USP54: variants seen among roughly 807,000 people sequenced by gnomAD.
USP54 encodes ubiquitin specific peptidase 54.
A neutral mutation model predicts 170.5 loss-of-function variants in USP54; 87 were observed. The observed-to-expected ratio is 0.51, with a 90% CI of 0.43 to 0.61. The LOEUF is 0.61. Ranked by LOEUF, USP54 falls within the 20% of genes least tolerant of loss-of-function variation. The pLI, the probability that USP54 is intolerant of heterozygous loss-of-function variation, is 0.00. For synonymous variants in USP54, 655 were observed against 742.8 expected (o/e 0.88, Z 1.92); for missense variants, 1,786 against 2,047.8 (o/e 0.87, Z 2.47).
At chr10:73,622,813 C>T (rs1383873433) in intron 1 of USP54, among the ~76,000 whole-genome samples, 1 of 151,914 alleles carries the variant, frequency 6.6e-6, no homozygotes, top group Non-Finnish European at 1.5e-5. Context: ...ATTAGCCAAG[C>T]ACCTGTAGTC....
intron 20 of USP54, among the ~76,000 whole-genome samples, chr10:73,507,669 C>CCA (rs1253631494): frequency 8.9e-5 from 2 of 22,470 alleles, no homozygotes; most frequent in African/African-American, 3.5e-4. Context: ...GACTCCGTCG[C>CCA]AAAAAAAAAA....
At chr10:73,623,266 G>A (rs1564973785) in intron 1 of USP54, among the ~76,000 whole-genome samples, 3 of 151,892 alleles carry the variant, frequency 2.0e-5, no homozygotes, top group Non-Finnish European at 4.4e-5. Flanking sequence ...TGCACCTGTG[G>A]TCCTATCTAC....
At chr10:73,585,417 G>A (rs2077362193) in intron 1 of USP54, among the ~76,000 whole-genome samples, 1 of 152,156 alleles carries the variant, frequency 6.6e-6, no homozygotes, top group Non-Finnish European at 1.5e-5. Context: ...AAGGCCTCAG[G>A]GAGCTTACGA....
intron 10 of USP54, among the ~76,000 whole-genome samples, chr10:73,538,763 T>G (rs2065867855): frequency 6.6e-6 from 1 of 152,106 alleles, no homozygotes. Context: ...AGTGAGCCAT[T>G]ATCACGCCCC....
At chr10:73,607,738 C>T (rs938051200) in intron 1 of USP54, among the ~76,000 whole-genome samples, 6 of 149,698 alleles carry the variant, frequency 4.0e-5, no homozygotes, top group Admixed American at 2.0e-4. Context: ...GGCTGAGACA[C>T]GAGAATTGCT....
chr10:73,622,816 C>T (rs1158801951), intron 1 of USP54, among the ~76,000 whole-genome samples: 1 of 151,966 alleles, frequency 6.6e-6, no homozygotes, highest in Admixed American at 6.6e-5. Context: ...AGCCAAGCAC[C>T]TGTAGTCCCA....
chr10:73,515,468 TGTGCACTTCAG>T (rs1448652015), intron 20 of USP54, among the ~76,000 whole-genome samples: 3 of 152,212 alleles, frequency 2.0e-5, no homozygotes, highest in African/African-American at 7.2e-5. Context: ...CTGACTATGA[TGTGCACTTCAG>T]GTGCAGGCTC....
intron 1 of USP54, among the ~76,000 whole-genome samples, chr10:73,620,438 T>C (rs2132354783): frequency 6.7e-6 from 1 of 150,076 alleles, no homozygotes; most frequent in East Asian, 1.9e-4. Flanking sequence ...TTATCAATAC[T>C]TCATTAATGG....
chr10:73,613,557 G>A lies in USP54; in HGVS notation c.-18+12010C>T, dbSNP rs2080342281. Among the ~76,000 whole-genome samples, 3 of 152,082 alleles carry A rather than the reference G, an allele frequency of 2.0e-5. No individual in the cohort carries two copies. In the South Asian group the frequency reaches 6.2e-4, roughly 32 times the overall value. On this transcript the variant is annotated intron_variant, in intron 1 of 22. Coordinates refer to the USP54 transcript ENST00000339859. ...ATTGCATATGCCAAAACAGAGATAG[G>A]CAAAGACGTGAACAGTTAGAAATAT...
Position 73,514,810 on chromosome 10 carries a change from C to CG in USP54, c.4051+1564dup, listed in dbSNP as rs112066983. On this transcript the variant is annotated intron_variant, in intron 20 of 23. Coordinates refer to ENST00000687698, the MANE Select transcript of USP54 (RefSeq NM_001391956.1). Reference sequence around the variant, plus strand: ...ATCCCAGCACTTTGGGAGGCTGAGGCGGGGGGATCACCTGAGGTCAGGAGT... The same window carrying CG: ...ATCCCAGCACTTTGGGAGGCTGAGGCGGGGGGGATCACCTGAGGTCAGGAGT... 6.5e-3 allele frequency among the ~76,000 whole-genome samples: 986 copies of CG among 152,026 alleles called. 15 individuals carry two copies. Among genetic ancestry groups the CG allele is most frequent in the African/African-American group, 0.023 (936 of 41,466 alleles).
Position 73,541,461 on chromosome 10 carries a change from T to C in USP54, c.739A>G (p.Thr247Ala). Residue 247 changes from threonine to alanine, a missense_variant, in exon 9 of 24, where the codon ACG becomes GCG. Thr to Ala is a moderately conservative substitution (Grantham distance 58). This residue lies in a region of USP54 where 361 missense variants were observed against 455.0 expected (regional missense o/e 0.79). Transcript: ENST00000687698. ...RVLMNAPQII[T>A]IGLVWDSDHS... The stretch of plus-strand genomic sequence containing the variant: ...TCTGAGTCCCATACCAGCCCAATCG[T>C]GATAATCTGTGGAGCATTCATCAAC... 1 of 1,614,200 alleles carries C rather than the reference T, an allele frequency of 6.2e-7. No individual in the cohort carries two copies. The highest frequency in any genetic ancestry group is 8.5e-7 in the Non-Finnish European group (1 of 1,180,036).
intron 20 of USP54, chr10:73,507,172 A>C (rs936415366): frequency 2.6e-5 from 4 of 151,836 alleles, no homozygotes; most frequent in Admixed American, 2.0e-4. Flanking sequence ...TCTACATAGG[A>C]TTGTATAAAC....
rs2060218638 is a variant in USP54, at chr10:73,511,566, ACG to A, written c.4051+4807_4051+4808del. 7.3e-5 allele frequency among the ~76,000 whole-genome samples: 11 copies of A among 151,418 alleles called. No homozygotes were observed. In the South Asian group the frequency reaches 2.3e-3, roughly 32 times the overall value. ...TCCCAGCTACTTGGGAGGCTGAAGCACGAGAATCGCTTGAACCTGGGAGACGG... is the reference window on the plus strand; with the variant it reads ...TCCCAGCTACTTGGGAGGCTGAAGCAAGAATCGCTTGAACCTGGGAGACGG... On this transcript the variant is annotated intron_variant, in intron 20 of 23. Coordinates refer to ENST00000687698, the MANE Select transcript of USP54 (RefSeq NM_001391956.1).
intron 4 of USP54, among the ~76,000 whole-genome samples, chr10:73,555,362 CT>C (rs2070705364): frequency 1.3e-5 from 2 of 152,284 alleles, no homozygotes; most frequent in South Asian, 4.1e-4. Context: ...CACCTCATAA[CT>C]TTAAGACTTT....
chr10:73,498,556 G>GTACTGTAA lies in USP54; in HGVS notation c.*72_*73insTTACAGTA. ...CCCAAAGTGCTGGGATTACAGGTGT[G>GTACTGTAA]AGCCACCGCGCCCGGCCCACAGTAC... is the stretch of plus-strand genomic sequence containing the variant. On this transcript the variant is annotated 3_prime_UTR_variant, in exon 24 of 24. Coordinates refer to ENST00000687698, the MANE Select transcript of USP54 (RefSeq NM_001391956.1). The GTACTGTAA allele has an allele frequency of 6.9e-7, 1 of 1,450,224 alleles. No homozygotes were observed. Among genetic ancestry groups the GTACTGTAA allele is most frequent in the Non-Finnish European group, 9.2e-7 (1 of 1,087,070 alleles). The allele number at this position is 1,450,224 out of a possible 1,614,324, so 89.8% of individuals were successfully genotyped here.
intron 21 of USP54, 43 bp downstream of exon 21, chr10:73,505,265 C>T (rs781524280): frequency 1.9e-6 from 3 of 1,572,250 alleles, no homozygotes; most frequent in African/African-American, 1.4e-5. Context: ...CCTTCCCCAA[C>T]ACACCACCCC....
rs776941844 is a variant in USP54, at chr10:73,497,911, T to A, written c.*718A>T. On this transcript the variant is annotated 3_prime_UTR_variant, in exon 24 of 24. Transcript: ENST00000687698. ...GGGTCAGGTAATAGGGATAGGTGGATAAAACAAAGAGTAGAAGTTGGGAGT... is the reference window on the plus strand; with the variant it reads ...GGGTCAGGTAATAGGGATAGGTGGAAAAAACAAAGAGTAGAAGTTGGGAGT... 2.0e-5 allele frequency: 3 copies of A among 152,154 alleles called. No individual in the cohort carries two copies. The highest frequency in any genetic ancestry group is 2.0e-4 in the Admixed American group (3 of 15,272). 9.4% of individuals were successfully genotyped at this position (152,154 alleles called of 1,614,324 possible).
chr10:73,613,132 CT>C lies in USP54; in HGVS notation c.-18+12434del, dbSNP rs967595386. On this transcript the variant is annotated intron_variant, in intron 1 of 22. Coordinates refer to the USP54 transcript ENST00000339859. ...TGACCGTGCTACTGCATTCCAGCCTCTTTTTTTTTTTTTTTTTTTGGAGATG... is the reference window on the plus strand; with the variant it reads ...TGACCGTGCTACTGCATTCCAGCCTCTTTTTTTTTTTTTTTTTTGGAGATG... 6.1e-4 allele frequency among the ~76,000 whole-genome samples: 78 copies of C among 127,408 alleles called. 1 individual carries two copies. The highest frequency in any genetic ancestry group is 1.5e-3 in the South Asian group (6 of 3,992). The allele number at this position is 127,408 out of a possible 152,430, so 83.6% of individuals were successfully genotyped here.
intron 21 of USP54, 128 bp downstream of exon 21, chr10:73,505,179 AC>A: frequency 1.6e-6 from 2 of 1,228,956 alleles, no homozygotes; most frequent in South Asian, 2.9e-5. Context: ...CCAATCATAG[AC>A]CTTATTTTCT....
Sources: gnomAD v4.1 joint callset for allele counts (sites outside exome capture counted in the v4.1 genomes callset) on GRCh38, gnomAD v4.1.1 for gene constraint, gnomAD v4.1.1 regional missense constraint, MANE v1.5 for transcripts, NCBI Gene and HGNC (gene_info 2026-07-23, HGNC 2026-07-21) for gene names.